The following GLIS3 variants were observed in gnomAD, a reference collection of about 807,000 sequenced individuals.
GLIS3 encodes zinc finger protein GLIS3.
A neutral mutation model predicts 78.6 loss-of-function variants in GLIS3; 53 were observed. That is an observed-to-expected ratio of 0.67 (90% CI 0.54 to 0.85). The LOEUF (loss-of-function observed/expected upper bound fraction) is 0.85, where lower values mean the gene tolerates loss of function less well. GLIS3 is among the 40% of genes least tolerant of loss of function. GLIS3 has a pLI of 0.00. For missense variants in GLIS3, 1,703 were observed against 1,231.1 expected (o/e 1.38, Z -5.74); for synonymous variants, 684 against 509.9 (o/e 1.34, Z -4.60).
intron 9 of GLIS3, among the ~76,000 whole-genome samples, chr9:3,850,743 A>G (rs1819377582): frequency 6.6e-6 from 1 of 151,024 alleles, no homozygotes; most frequent in African/African-American, 2.4e-5. Context: ...TTCCTCCTCT[A>G]CTCCACACCT....
chr9:4,213,003 G>A (rs1306030012), intron 2 of GLIS3, among the ~76,000 whole-genome samples: 1 of 152,164 alleles, frequency 6.6e-6, no homozygotes, highest in African/African-American at 2.4e-5. Context: ...GGAGGCTGTT[G>A]GAGATTGTGA....
At chr9:4,150,729 T>C (rs1834613325) in intron 2 of GLIS3, among the ~76,000 whole-genome samples, 2 of 152,142 alleles carry the variant, frequency 1.3e-5, no homozygotes, top group Admixed American at 6.5e-5. Context: ...GAAGGAAGAT[T>C]AGAAATCATG....
At chr9:3,848,840 A>G (rs1819225755) in intron 9 of GLIS3, among the ~76,000 whole-genome samples, 1 of 152,206 alleles carries the variant, frequency 6.6e-6, no homozygotes, top group Non-Finnish European at 1.5e-5. Context: ...TTTGAACTGG[A>G]CTGACAAGCT....
intron 2 of GLIS3, among the ~76,000 whole-genome samples, chr9:4,329,764 TG>T (rs1416189939): frequency 6.6e-6 from 1 of 152,108 alleles, no homozygotes; most frequent in Non-Finnish European, 1.5e-5. Flanking sequence ...CCTCTAGCAA[TG>T]GGGAACTCAC....
chr9:4,371,170 G>C, the GLIS3 span, among the ~76,000 whole-genome samples: 2 of 152,106 alleles, frequency 1.3e-5, no homozygotes, highest in Non-Finnish European at 2.9e-5. Context: ...CTGGTTACTA[G>C]GCTTGGCAGC....
chr9:4,354,515 A>T, the GLIS3 span, among the ~76,000 whole-genome samples: 1 of 152,154 alleles, frequency 6.6e-6, no homozygotes, highest in African/African-American at 2.4e-5. Flanking sequence ...CTACAATAAT[A>T]ACTGCTTACC....
Position 4,059,829 on chromosome 9 carries a change from T to TGTGTGTGAGAGA in GLIS3, c.1710+57938_1710+57939insTCTCTCACACAC. On this transcript the variant is annotated intron_variant, in intron 4 of 10. Coordinates refer to ENST00000381971, the MANE Select transcript of GLIS3 (RefSeq NM_001042413.2). ...TTGTGTGTGTGTGTGTGTGTGTGTG[T>TGTGTGTGAGAGA]GAGAGAGAGAGAGAGAGAGAGAGAG... 3.6e-3 allele frequency among the ~76,000 whole-genome samples: 361 copies of TGTGTGTGAGAGA among 100,704 alleles called. 5 individuals carry two copies. Among genetic ancestry groups the TGTGTGTGAGAGA allele is most frequent in the South Asian group, 0.018 (45 of 2,488 alleles). The allele number at this position is 100,704 out of a possible 152,430, so 66.1% of individuals were successfully genotyped here.
At chr9:4,183,895 A>G (rs1272545625) in intron 2 of GLIS3, among the ~76,000 whole-genome samples, 1 of 152,208 alleles carries the variant, frequency 6.6e-6, no homozygotes, top group Non-Finnish European at 1.5e-5. Context: ...TGATCCTTCT[A>G]ATATACTGCT....
intron 4 of GLIS3, chr9:3,975,165 T>C (rs1241098931): frequency 2.6e-5 from 4 of 152,128 alleles, no homozygotes; most frequent in African/African-American, 9.7e-5. Context: ...CCTTGGTGAG[T>C]CTAGCCCTAT....
intron 4 of GLIS3, among the ~76,000 whole-genome samples, chr9:4,055,828 G>A (rs951618726): frequency 4.6e-5 from 7 of 152,210 alleles, no homozygotes; most frequent in Non-Finnish European, 1.0e-4. Context: ...CAATGGTCTG[G>A]CTTTCAGAAC....
the GLIS3 span, among the ~76,000 whole-genome samples, chr9:4,359,412 C>T: frequency 2.6e-5 from 4 of 152,290 alleles, no homozygotes; most frequent in East Asian, 5.8e-4. Context: ...AAGAGCAGGA[C>T]AGGCTTCTGC....
the GLIS3 span, among the ~76,000 whole-genome samples, chr9:4,435,026 TGG>T: frequency 6.6e-6 from 1 of 152,200 alleles, no homozygotes; most frequent in South Asian, 2.1e-4. Flanking sequence ...TACAAGAATT[TGG>T]GTTGTTCACA....
At chr9:4,240,420 T>G (rs1035238887) in intron 2 of GLIS3, among the ~76,000 whole-genome samples, 2 of 152,076 alleles carry the variant, frequency 1.3e-5, no homozygotes, top group African/African-American at 4.8e-5. Flanking sequence ...ACCCAGTTCC[T>G]AACAGGCTAC....
At chr9:4,385,186 G>C in the GLIS3 span, among the ~76,000 whole-genome samples, 1,277 of 152,294 alleles carry the variant, frequency 8.4e-3, 13 homozygotes, top group Non-Finnish European at 0.013. Context: ...CTGCAGGACT[G>C]TTTCTGCATT....
chr9:4,324,850 T>A (rs1817579052), intron 2 of GLIS3, among the ~76,000 whole-genome samples: 3 of 152,220 alleles, frequency 2.0e-5, no homozygotes. Flanking sequence ...ACTTCAATCA[T>A]CAATTTCTCT....
At chr9:4,376,645 A>G in the GLIS3 span, among the ~76,000 whole-genome samples, 15 of 135,424 alleles carry the variant, frequency 1.1e-4, 3 homozygotes, top group African/African-American at 3.9e-4. Context: ...ACATCTTATA[A>G]AAGAAGAAAT....
rs966223700 is a variant in GLIS3 at position 3,825,495 on chromosome 9, GTGTTT to G, written c.*2772_*2776del. ...GTGTGTTTTCACAAGCACTAGTTTT[GTGTTT>G]TGTTTCTGTTTTTAAGGGGAATGAC... On this transcript the variant is annotated 3_prime_UTR_variant, in exon 11 of 11. Coordinates refer to ENST00000381971, the MANE Select transcript of GLIS3 (RefSeq NM_001042413.2). The G allele has an allele frequency of 1.3e-5, 2 of 151,844 alleles. No individual in the cohort carries two copies. The highest frequency in any genetic ancestry group is 4.8e-5 in the African/African-American group (2 of 41,336). 9.4% of individuals were successfully genotyped at this position (151,844 alleles called of 1,614,324 possible). A position where few individuals can be genotyped will look rare whatever the true frequency, so the allele number is the denominator to read the frequency against.
the GLIS3 span, among the ~76,000 whole-genome samples, chr9:4,365,265 TAGAA>T: frequency 3.3e-5 from 5 of 152,128 alleles, no homozygotes; most frequent in Non-Finnish European, 5.9e-5. Flanking sequence ...ATATGCAAAT[TAGAA>T]AGATCAAATC....
At chr9:3,894,034 T>TTTGA (rs1373350660) in intron 7 of GLIS3, among the ~76,000 whole-genome samples, 2 of 152,208 alleles carry the variant, frequency 1.3e-5, no homozygotes, top group Non-Finnish European at 2.9e-5. Context: ...ACTGCAAGGT[T>TTTGA]TTGATAGCAG....
Sources: gnomAD v4.1 joint callset for allele counts (sites outside exome capture counted in the v4.1 genomes callset) on GRCh38, gnomAD v4.1.1 for gene constraint, MANE v1.5 for transcripts, NCBI Gene and HGNC (gene_info 2026-07-23, HGNC 2026-07-21) for gene names.